The following FOXP1 variants were observed in gnomAD, a reference collection of about 807,000 sequenced individuals.
FOXP1 encodes forkhead box protein P1.
In FOXP1, 15 loss-of-function variants were observed where a neutral mutation model predicts 98.2. The observed-to-expected ratio is 0.15, with a 90% confidence interval of 0.10 to 0.24. The LOEUF (loss-of-function observed/expected upper bound fraction) is 0.24, where lower values mean the gene tolerates loss of function less well. FOXP1 is among the 10% of genes least tolerant of loss of function. The pLI is 1.00. For missense variants in FOXP1, 633 were observed against 848.5 expected, an observed-to-expected ratio of 0.75 and a Z score of 3.15; for synonymous variants, 371 against 314.5, an observed-to-expected ratio of 1.18 and a Z score of -1.90.
intron 3 of FOXP1, among the ~76,000 whole-genome samples, chr3:71,402,300 C>T (rs186426471): frequency 6.6e-6 from 1 of 152,050 alleles, no homozygotes; most frequent in Admixed American, 6.6e-5. Context: ...ACTAAAGATA[C>T]AAAAATTAGC....
chr3:71,574,045 T>C (rs1440511968), intron 2 of FOXP1: 1 of 152,236 alleles, frequency 6.6e-6, no homozygotes, highest in East Asian at 1.9e-4. Flanking sequence ...ATGTTTCATC[T>C]TTTATAGAAA....
At chr3:71,256,284 T>C (rs941677000) in intron 5 of FOXP1, among the ~76,000 whole-genome samples, 5 of 152,062 alleles carry the variant, frequency 3.3e-5, no homozygotes, top group Non-Finnish European at 1.5e-5. Flanking sequence ...CTCTCTCCAA[T>C]CAACTCCACT....
At chr3:71,422,780 A>G (rs1013420030) in intron 3 of FOXP1, among the ~76,000 whole-genome samples, 1 of 152,134 alleles carries the variant, frequency 6.6e-6, no homozygotes, top group African/African-American at 2.4e-5. Flanking sequence ...AAAGGGGTGA[A>G]TGCCCTCTCT....
At chr3:71,576,588 C>T (rs927761896) in intron 2 of FOXP1, among the ~76,000 whole-genome samples, 3 of 152,118 alleles carry the variant, frequency 2.0e-5, no homozygotes, top group East Asian at 1.9e-4. Flanking sequence ...ATTTTGTTTA[C>T]GATTTAGTTA....
chr3:71,117,821 G>A (rs1479178711), intron 6 of FOXP1, among the ~76,000 whole-genome samples: 1 of 152,176 alleles, frequency 6.6e-6, no homozygotes, highest in Non-Finnish European at 1.5e-5. Flanking sequence ...ATAACCTGGT[G>A]CTGTATTTTC....
intron 3 of FOXP1, among the ~76,000 whole-genome samples, chr3:71,449,937 A>G (rs139201225): frequency 6.6e-6 from 1 of 152,340 alleles, no homozygotes; most frequent in Non-Finnish European, 1.5e-5. Flanking sequence ...AATCTCAGAG[A>G]GGTGACTTCA....
At chr3:71,091,488 T>TCAAAACAAAACAAAA (rs3064143) in intron 7 of FOXP1, among the ~76,000 whole-genome samples, 8 of 150,010 alleles carry the variant, frequency 5.3e-5, no homozygotes, top group African/African-American at 1.7e-4. Context: ...AGACTCCGTC[T>TCAAAACAAAACAAAA]CAAAACAAAA....
At chr3:71,286,492 T>C (rs771088741) in intron 5 of FOXP1, among the ~76,000 whole-genome samples, 1 of 152,178 alleles carries the variant, frequency 6.6e-6, no homozygotes, top group Non-Finnish European at 1.5e-5. Flanking sequence ...TTAATCTGAA[T>C]GAAACCCAAC....
At chr3:70,988,106 C>G (rs2040047117) in intron 13 of FOXP1, 29 bp from the exon 14 acceptor site, 1 of 1,603,756 alleles carries the variant, frequency 6.2e-7, no homozygotes, top group African/African-American at 1.3e-5. Flanking sequence ...TTTGTTATTT[C>G]TCTGAATAAA....
At chr3:71,356,473 C>G (rs912062205) in intron 4 of FOXP1, among the ~76,000 whole-genome samples, 2 of 152,164 alleles carry the variant, frequency 1.3e-5, no homozygotes, top group Non-Finnish European at 2.9e-5. Context: ...GAACCAGCAA[C>G]AGGATGGTAC....
At chr3:71,105,620 C>T (rs577094310) in intron 7 of FOXP1, among the ~76,000 whole-genome samples, 18 of 152,304 alleles carry the variant, frequency 1.2e-4, no homozygotes, top group African/African-American at 4.3e-4. Flanking sequence ...CCCTCTCCAC[C>T]TCCTAGCCCC....
chr3:71,442,123 C>A (rs2085994982), intron 3 of FOXP1, among the ~76,000 whole-genome samples: 1 of 152,162 alleles, frequency 6.6e-6, no homozygotes, highest in Non-Finnish European at 1.5e-5. Flanking sequence ...TGCCTCAAAG[C>A]CCTGTTCAGA....
At chr3:70,994,583 CT>C (rs2041096933) in intron 13 of FOXP1, among the ~76,000 whole-genome samples, 1 of 152,154 alleles carries the variant, frequency 6.6e-6, no homozygotes, top group African/African-American at 2.4e-5. Flanking sequence ...GCATCCTGGT[CT>C]TACCCTACTA....
At chr3:71,181,746 A>T (rs1475701591) in intron 6 of FOXP1, among the ~76,000 whole-genome samples, 2 of 152,106 alleles carry the variant, frequency 1.3e-5, no homozygotes, top group African/African-American at 4.8e-5. Context: ...AAAGAAAACA[A>T]ATGTGGCCGG....
intron 6 of FOXP1, among the ~76,000 whole-genome samples, chr3:71,161,055 A>C (rs763958695): frequency 6.6e-5 from 10 of 152,164 alleles, no homozygotes; most frequent in Non-Finnish European, 1.2e-4. Context: ...GAGAAGCACT[A>C]ATCATTTTTG....
At chr3:71,581,954 A>G (rs2048207516) in intron 1 of FOXP1, 1 of 969,566 alleles carries the variant, frequency 1.0e-6, no homozygotes, top group Non-Finnish European at 1.2e-6. Context: ...TTGCAACAAC[A>G]AAAAGGAGGG....
intron 2 of FOXP1, among the ~76,000 whole-genome samples, chr3:71,578,022 AG>A: frequency 6.6e-6 from 1 of 152,204 alleles, no homozygotes; most frequent in East Asian, 1.9e-4. Flanking sequence ...AATCTATAAA[AG>A]AAGTGTGACA....
chr3:71,241,672 C>T (rs1298997303), intron 5 of FOXP1, among the ~76,000 whole-genome samples: 1 of 152,098 alleles, frequency 6.6e-6, no homozygotes, highest in African/African-American at 2.4e-5. Context: ...CTGAAGCAGT[C>T]GAAGAAAGGG....
intron 7 of FOXP1, among the ~76,000 whole-genome samples, chr3:71,061,397 C>G (rs1159618563): frequency 6.6e-6 from 1 of 152,132 alleles, no homozygotes; most frequent in Non-Finnish European, 1.5e-5. Context: ...CAAGCTATCA[C>G]AAGACAGCAT....
Sources: gnomAD v4.1 joint callset for allele counts (sites outside exome capture counted in the v4.1 genomes callset) on GRCh38, gnomAD v4.1.1 for gene constraint, MANE v1.5 for transcripts, NCBI Gene and HGNC (gene_info 2026-07-23, HGNC 2026-07-21) for gene names.